The following CKAP5 variants were observed in gnomAD, a reference collection of about 807,000 sequenced individuals.
CKAP5 encodes cytoskeleton associated protein 5.
CKAP5 carries 27 observed loss-of-function variants against 232.8 expected under a neutral mutation model. The ratio of observed to expected loss-of-function variants is 0.12; its 90% CI spans 0.09 to 0.16. The LOEUF (loss-of-function observed/expected upper bound fraction) is 0.16, where lower values mean the gene tolerates loss of function less well. Ranked by LOEUF, CKAP5 falls within the 10% of genes least tolerant of loss-of-function variation. CKAP5 has a pLI of 1.00. For missense variants in CKAP5, 1,838 were observed against 2,424.7 expected, an observed-to-expected ratio of 0.76 and a Z score of 5.08; for synonymous variants, 785 against 841.1, an observed-to-expected ratio of 0.93 and a Z score of 1.16.
intron 33 of CKAP5, 96 bp downstream of exon 33, chr11:46,760,516 G>T (rs2065145167): frequency 8.4e-7 from 1 of 1,184,952 alleles, no homozygotes; most frequent in Non-Finnish European, 1.2e-6. Context: ...CATGATAATG[G>T]CTACAAGAAC....
At position 46,779,109 on chromosome 11, in the gene CKAP5, AAAACAAAAC is replaced by A. The variant is rs1457115052; in HGVS notation, c.2434-519_2434-511del. Among the ~76,000 whole-genome samples the A allele has an allele frequency of 5.9e-5, 9 of 152,198 alleles. No individual in the cohort carries two copies. In the South Asian group the frequency reaches 1.5e-3, roughly 25 times the overall value. On this transcript the variant is annotated intron_variant, in intron 20 of 43. Coordinates refer to ENST00000529230, the MANE Select transcript of CKAP5 (RefSeq NM_001008938.4). ...ACAAACAAACAAACAAAACAACCCA[AAAACAAAAC>A]AAACAAAACATAAAAATTTTTTTTT...
At chr11:46,807,421 C>G (rs1038380780) in intron 8 of CKAP5, among the ~76,000 whole-genome samples, 1 of 152,176 alleles carries the variant, frequency 6.6e-6, no homozygotes, top group African/African-American at 2.4e-5. Flanking sequence ...AATTTTCATT[C>G]TTGCTATATT....
At position 46,747,825 on chromosome 11, in the gene CKAP5, C is replaced by T. The variant is rs185433359; in HGVS notation, c.5704+2449G>A. ...CTGAAATCCCAGAACTTTGGGAGGC[C>T]GATGTGGGTGGATCACTTGAGCCCA... On this transcript the variant is annotated intron_variant, in intron 42 of 43. Coordinates refer to ENST00000529230, the MANE Select transcript of CKAP5 (RefSeq NM_001008938.4). 2.8e-3 allele frequency among the ~76,000 whole-genome samples: 421 copies of T among 151,964 alleles called. 2 individuals carry two copies. Among genetic ancestry groups the T allele is most frequent in the African/African-American group, 9.6e-3 (398 of 41,452 alleles).
chr11:46,796,102 T>C (rs915359699), intron 12 of CKAP5, among the ~76,000 whole-genome samples: 1 of 148,180 alleles, frequency 6.7e-6, no homozygotes, highest in African/African-American at 2.5e-5. Flanking sequence ...AAGGCAGAGG[T>C]TGCAGTAAGC....
chr11:46,755,868 G>A (rs552805532), intron 35 of CKAP5, among the ~76,000 whole-genome samples: 11 of 152,158 alleles, frequency 7.2e-5, no homozygotes, highest in Non-Finnish European at 1.0e-4. Flanking sequence ...GGCGGAGGAT[G>A]CAGTGAACCG....
At chr11:46,770,346 C>G (rs1425118036) in intron 25 of CKAP5, 7 of 462,146 alleles carry the variant, frequency 1.5e-5, no homozygotes, top group Admixed American at 1.5e-4. Context: ...TTCTACACTG[C>G]TTAATATTTT....
At chr11:46,791,665 C>A (rs1938727076) in intron 13 of CKAP5, among the ~76,000 whole-genome samples, 1 of 152,010 alleles carries the variant, frequency 6.6e-6, no homozygotes, top group Admixed American at 6.6e-5. Flanking sequence ...CAGAGTGAGA[C>A]CCTGTCTCAA....
intron 4 of CKAP5, among the ~76,000 whole-genome samples, chr11:46,815,848 G>C (rs1939385626): frequency 6.6e-6 from 1 of 152,066 alleles, no homozygotes; most frequent in Non-Finnish European, 1.5e-5. Context: ...TCTAGTTCAG[G>C]GATCCCTAAC....
intron 16 of CKAP5, among the ~76,000 whole-genome samples, chr11:46,786,265 C>G (rs528379447): frequency 6.6e-6 from 1 of 152,162 alleles, no homozygotes; most frequent in Non-Finnish European, 1.5e-5. Context: ...TGCCTTGCTC[C>G]CCTTTTCTTC....
Position 46,760,601 on chromosome 11 carries a change from T to C in CKAP5, c.4394+11A>G. ...GGAGATGCTCTCAGACAAGTATCTCTATCTACATACTTGAGTTTGGAAGAC... is the reference window on the plus strand; with the variant it reads ...GGAGATGCTCTCAGACAAGTATCTCCATCTACATACTTGAGTTTGGAAGAC... On this transcript the variant is annotated intron_variant, in intron 33 of 43. Coordinates refer to ENST00000529230, the MANE Select transcript of CKAP5 (RefSeq NM_001008938.4). 1.9e-6 allele frequency: 3 copies of C among 1,612,580 alleles called. No homozygotes were observed. In the South Asian group the frequency reaches 3.3e-5, roughly 18 times the overall value.
At chr11:46,757,148 T>G (rs999640815) in intron 35 of CKAP5, among the ~76,000 whole-genome samples, 1 of 152,100 alleles carries the variant, frequency 6.6e-6, no homozygotes, top group Non-Finnish European at 1.5e-5. Context: ...ATTAGAATTA[T>G]CAGCAAAGTG....
At position 46,811,705 on chromosome 11, in the gene CKAP5, G is replaced by A. The variant is rs556408563; in HGVS notation, c.459-527C>T. ...TTGGCCAGGCTGGTCTGGAACTCCT[G>A]ACTTCAGGTGATCCACCCGCCTCAG... is the stretch of plus-strand genomic sequence containing the variant. On this transcript the variant is annotated intron_variant, in intron 4 of 43. Transcript: ENST00000529230. Among the ~76,000 whole-genome samples, 3 of 152,186 alleles carry A rather than the reference G, an allele frequency of 2.0e-5. No homozygotes were observed. The East Asian group carries it at 5.8e-4, about 29-fold the overall frequency.
chr11:46,829,838 A>ATGTGTGTG (rs57602333), intron 1 of CKAP5, among the ~76,000 whole-genome samples: 14 of 143,128 alleles, frequency 9.8e-5, no homozygotes, highest in South Asian at 2.3e-4. Context: ...CCTTTTTTGT[A>ATGTGTGTG]TGTGTGTGTG....
rs974302531 is a variant in CKAP5 at position 46,763,151 on chromosome 11, A to G, written c.3716T>C (p.Ile1239Thr). The G allele has an allele frequency of 1.9e-6, 3 of 1,613,520 alleles. No individual in the cohort carries two copies. The highest frequency in any genetic ancestry group is 1.1e-5 in the South Asian group (1 of 91,056). The change falls in exon 30 of 44, where the codon ATT (isoleucine) becomes ACT (threonine). Residue 1239 changes from isoleucine to threonine, a missense_variant. By Grantham distance (89) the Ile-to-Thr change is moderately conservative. Coordinates refer to ENST00000529230, the MANE Select transcript of CKAP5 (RefSeq NM_001008938.4). Reference protein sequence around the residue: ...DHLESEKEGVIGCLDLILKWL... With the variant: ...DHLESEKEGVTGCLDLILKWL... ...CTTTAAGATAAGATCCAGGCAACCA[A>G]TAACTCCTTCTTTTTCACTCTCCAA...
chr11:46,815,889 T>C (rs1250811730), intron 4 of CKAP5, among the ~76,000 whole-genome samples: 1 of 152,200 alleles, frequency 6.6e-6, no homozygotes, highest in African/African-American at 2.4e-5. Flanking sequence ...AGTGGCCTGT[T>C]AGGAACCAGG....
chr11:46,756,883 G>A (rs1477212435), intron 35 of CKAP5, among the ~76,000 whole-genome samples: 3 of 151,276 alleles, frequency 2.0e-5, no homozygotes, highest in Non-Finnish European at 2.9e-5. Flanking sequence ...AGCCTCCGGA[G>A]TAGCTGGGAT....
At chr11:46,745,636 C>A (rs1422891467) in intron 42 of CKAP5, among the ~76,000 whole-genome samples, 2 of 152,104 alleles carry the variant, frequency 1.3e-5, no homozygotes, top group Non-Finnish European at 2.9e-5. Flanking sequence ...AGGTCTTTTT[C>A]ATTAAAGACC....
At chr11:46,767,028 C>CTT (rs750036376) in intron 27 of CKAP5, among the ~76,000 whole-genome samples, 4 of 135,554 alleles carry the variant, frequency 3.0e-5, no homozygotes, top group African/African-American at 2.9e-5. Context: ...ATGCTTTCTC[C>CTT]TTTTTTTTTT....
At chr11:46,826,686 A>G (rs1255196466) in intron 1 of CKAP5, 2 of 152,284 alleles carry the variant, frequency 1.3e-5, no homozygotes, top group Non-Finnish European at 2.9e-5. Flanking sequence ...AGGCCAGCAA[A>G]GTCCCCAGTA....
Sources: allele counts gnomAD v4.1 joint callset (sites outside exome capture counted in the v4.1 genomes callset), GRCh38; gene constraint gnomAD v4.1.1; transcripts MANE v1.5; gene names NCBI Gene and HGNC (gene_info 2026-07-23, HGNC 2026-07-21).